The following NPAS2 variants were observed in gnomAD, a reference collection of about 807,000 sequenced individuals.
NPAS2 encodes neuronal PAS domain protein 2, also known as neuronal PAS domain-containing protein 2.
Under a neutral mutation model 107.5 loss-of-function variants are expected in NPAS2, and 23 were observed. That is an observed-to-expected ratio of 0.21 (90% CI 0.15 to 0.30). The LOEUF is 0.30. Ranked by LOEUF, NPAS2 falls within the 10% of genes least tolerant of loss-of-function variation. NPAS2 has a pLI of 1.00. For synonymous variants in NPAS2, 403 were observed against 417.5 expected, an observed-to-expected ratio of 0.97 and a Z score of 0.42; for missense variants, 756 against 1,043.3, an observed-to-expected ratio of 0.72 and a Z score of 3.79.
chr2:100,848,743 C>A (rs1371891485), intron 1 of NPAS2, among the ~76,000 whole-genome samples: 1 of 152,244 alleles, frequency 6.6e-6, no homozygotes, highest in East Asian at 1.9e-4. Context: ...ATACATAGAT[C>A]TGTAGCTGGA....
chr2:100,888,537 C>A (rs1056866286), intron 1 of NPAS2, among the ~76,000 whole-genome samples: 1 of 152,074 alleles, frequency 6.6e-6, no homozygotes, highest in African/African-American at 2.4e-5. Flanking sequence ...TACATGTTAT[C>A]CCCCCACCCC....
At chr2:100,898,089 T>C (rs1444762961) in intron 1 of NPAS2, among the ~76,000 whole-genome samples, 1 of 152,132 alleles carries the variant, frequency 6.6e-6, no homozygotes, top group East Asian at 1.9e-4. Context: ...GCTATCACTT[T>C]TTTTTTTTGA....
At chr2:100,954,155 G>A (rs746224885) in intron 7 of NPAS2, among the ~76,000 whole-genome samples, 1 of 152,170 alleles carries the variant, frequency 6.6e-6, no homozygotes, top group African/African-American at 2.4e-5. Flanking sequence ...TAATTATCTG[G>A]TGTCTGCCCG....
In NPAS2 at chr2:100,909,420, C is replaced by T. The variant is rs188385590; in HGVS notation, c.32+4634C>T. 4.3e-3 allele frequency among the ~76,000 whole-genome samples: 650 copies of T among 152,298 alleles called. 7 individuals carry two copies. The highest frequency in any genetic ancestry group is 6.1e-3 in the Non-Finnish European group (417 of 68,022). ...TGTGGCAAAGAAGAGAGACTGTTCT[C>T]GTTTCATTTGTACCATTTCTTTGGA... is the stretch of plus-strand genomic sequence containing the variant. On this transcript the variant is annotated intron_variant, in intron 2 of 20. Coordinates refer to ENST00000335681, the MANE Select transcript of NPAS2 (RefSeq NM_002518.4).
rs1157716728 is a variant in NPAS2 at position 100,995,485 on chromosome 2, AC to A, written c.2383del (p.Gln795AsnfsTer43). The A allele has an allele frequency of 1.9e-6, 3 of 1,613,706 alleles. No individual in the cohort carries two copies. Among genetic ancestry groups the A allele is most frequent in the Non-Finnish European group, 2.5e-6 (3 of 1,179,932 alleles). On this transcript the variant is annotated frameshift_variant, in exon 21 of 21. Coordinates refer to ENST00000335681, the MANE Select transcript of NPAS2 (RefSeq NM_002518.4). LOFTEE classifies it high-confidence loss of function. ...TYSQQPGTLG[Y>X]PQPPPAQPQP... is the part of the protein sequence containing the mutation. ...TCACAACAGCCAGGGACCCTGGGCT[AC>A]CCCCAACCACCCCCAGCACAGCCCC...
intron 1 of NPAS2, among the ~76,000 whole-genome samples, chr2:100,857,074 G>C (rs570398920): frequency 1.3e-5 from 2 of 152,162 alleles, no homozygotes; most frequent in Non-Finnish European, 2.9e-5. Flanking sequence ...GGGAGGCCGA[G>C]GTGGGCGGAT....
At chr2:100,929,351 C>G (rs1211313428) in intron 3 of NPAS2, among the ~76,000 whole-genome samples, 1 of 152,196 alleles carries the variant, frequency 6.6e-6, no homozygotes, top group Non-Finnish European at 1.5e-5. Context: ...CACTCAATGG[C>G]TGCTCCACAA....
chr2:100,968,528 C>T lies in NPAS2; in HGVS notation c.1055+100C>T. On this transcript the variant is annotated intron_variant, in intron 11 of 20. Transcript: ENST00000335681. This position sits in a 1 kb window ranked among gnomAD's most constrained non-coding sequence, Gnocchi z 5.3. ...GATGGCCAAGTCAGATCAGCAGTCA[C>T]TCAGGTGTTCCCCATTTCGAAGATG... 1 of 1,141,276 alleles carries T rather than the reference C, an allele frequency of 8.8e-7. No individual in the cohort carries two copies. Among genetic ancestry groups the T allele is most frequent in the Admixed American group, 2.1e-5 (1 of 47,036 alleles). The allele number at this position is 1,141,276 out of a possible 1,614,324, so 70.7% of individuals were successfully genotyped here.
intron 1 of NPAS2, among the ~76,000 whole-genome samples, chr2:100,839,317 C>G (rs555146176): frequency 6.6e-6 from 1 of 152,108 alleles, no homozygotes; most frequent in East Asian, 1.9e-4. Flanking sequence ...TTAGTAGAGA[C>G]AGGGTTTCAG....
intron 4 of NPAS2, among the ~76,000 whole-genome samples, chr2:100,933,693 A>G (rs1206479943): frequency 6.6e-6 from 1 of 152,220 alleles, no homozygotes; most frequent in Non-Finnish European, 1.5e-5. Context: ...AGATAAGCAT[A>G]AGCCTCTACA....
At chr2:100,907,699 G>A (rs980400902) in intron 2 of NPAS2, among the ~76,000 whole-genome samples, 1 of 152,134 alleles carries the variant, frequency 6.6e-6, no homozygotes, top group Non-Finnish European at 1.5e-5. Flanking sequence ...AACATGCTTT[G>A]TGTTAGGCAA....
chr2:100,867,541 TG>T (rs1398249412), intron 1 of NPAS2, among the ~76,000 whole-genome samples: 1 of 152,220 alleles, frequency 6.6e-6, no homozygotes, highest in African/African-American at 2.4e-5. Flanking sequence ...ACCTGGTATT[TG>T]TTTTTTCTCC....
At chr2:100,937,695 G>A (rs1684415751) in intron 4 of NPAS2, 58 bp from the exon 5 acceptor site, 2 of 1,196,140 alleles carry the variant, frequency 1.7e-6, no homozygotes, top group South Asian at 2.4e-5. Flanking sequence ...CTGCATCAGT[G>A]ACATGCTCCT....
chr2:100,962,400 T>G (rs188886108), intron 7 of NPAS2, among the ~76,000 whole-genome samples: 1 of 152,348 alleles, frequency 6.6e-6, no homozygotes, highest in African/African-American at 2.4e-5. Context: ...TGATGCTCGA[T>G]ATGTTCCTCA....
intron 1 of NPAS2, among the ~76,000 whole-genome samples, chr2:100,827,536 G>A (rs958969373): frequency 2.0e-5 from 3 of 152,058 alleles, no homozygotes; most frequent in Non-Finnish European, 4.4e-5. Flanking sequence ...CTTATCCCCT[G>A]GCTCCCTGCT....
rs76818222 is a variant in NPAS2 at position 100,937,153 on chromosome 2, G to A, written c.274-600G>A. Among the ~76,000 whole-genome samples, 519 of 152,200 alleles carry A rather than the reference G, an allele frequency of 3.4e-3. 2 individuals carry two copies. The highest frequency in any genetic ancestry group is 0.022 in the East Asian group (113 of 5,164). ...TTTTCAGACATTCTGAAATGCTTAC[G>A]GATCCAGTTGAGTTACGCAACCCCC... On this transcript the variant is annotated intron_variant, in intron 4 of 20. Transcript: ENST00000335681.
At chr2:100,950,497 G>T (rs1243868942) in intron 7 of NPAS2, among the ~76,000 whole-genome samples, 1 of 152,156 alleles carries the variant, frequency 6.6e-6, no homozygotes, top group African/African-American at 2.4e-5. Context: ...TTGTCCCAGG[G>T]TTTCTATTAG....
rs1678378430 is a variant in NPAS2 at position 100,995,240 on chromosome 2, C to A, written c.2293-160C>A. The A allele has an allele frequency of 1.1e-5, 6 of 568,506 alleles. No homozygotes were observed. The East Asian group carries it at 1.1e-4, about 11-fold the overall frequency. 35.2% of individuals were successfully genotyped at this position (568,506 alleles called of 1,614,324 possible). ...TCCCTTAGTCCCCATCCCCACCACA[C>A]CCCCAGGTCTTGCCAGAGCCACCTC... On this transcript the variant is annotated intron_variant, in intron 20 of 20. Coordinates refer to ENST00000335681, the MANE Select transcript of NPAS2 (RefSeq NM_002518.4).
intron 16 of NPAS2, chr2:100,987,872 GTC>G: frequency 1.6e-6 from 1 of 628,148 alleles, no homozygotes; most frequent in Non-Finnish European, 2.9e-6. Context: ...CAGAGAGAGT[GTC>G]TCTCCAGCCC....
Sources: allele counts gnomAD v4.1 joint callset (sites outside exome capture counted in the v4.1 genomes callset), GRCh38; gene constraint gnomAD v4.1.1; non-coding constraint Gnocchi (gnomAD v3.1); transcripts MANE v1.5; gene names NCBI Gene and HGNC (gene_info 2026-07-23, HGNC 2026-07-21).